Variants in MORN1 observed in about 807,000 individuals in gnomAD.
MORN1 encodes MORN repeat-containing protein 1.
In MORN1, 67 loss-of-function variants were observed where a neutral mutation model predicts 61.9. The observed-to-expected ratio is 1.08, with a 90% CI of 0.89 to 1.33. The LOEUF is 1.33. Among genes scored for constraint, MORN1 ranks in the 40% most tolerant of loss-of-function variants. The pLI, the probability that MORN1 is intolerant of heterozygous loss-of-function variation, is 0.00. For synonymous variants in MORN1, 301 were observed against 292.0 expected, an observed-to-expected ratio of 1.03 and a Z score of -0.31; for missense variants, 752 against 691.2, an observed-to-expected ratio of 1.09 and a Z score of -0.99.
chr1:2,347,828 T>C (rs1000453424), intron 10 of MORN1, among the ~76,000 whole-genome samples: 1 of 152,176 alleles, frequency 6.6e-6, no homozygotes, highest in African/African-American at 2.4e-5. Context: ...CATTTTGGGG[T>C]AAATGTTTAA....
intron 12 of MORN1, among the ~76,000 whole-genome samples, chr1:2,324,537 G>A (rs1215727360): frequency 2.0e-5 from 3 of 152,218 alleles, no homozygotes; most frequent in Non-Finnish European, 2.9e-5. Flanking sequence ...GCTGGAGCCT[G>A]CAGGGAGCGA....
At chr1:2,385,585 T>G (rs1642477783) in intron 5 of MORN1, 3 of 406,210 alleles carry the variant, frequency 7.4e-6, no homozygotes, top group South Asian at 3.5e-5. Context: ...AACACACAAT[T>G]GGTCAATTTC....
Position 2,388,319 on chromosome 1 carries a change from A to C in MORN1, c.167T>G (p.Phe56Cys). The change falls in exon 3 of 14, where the codon TTT becomes TGT. Residue 56 changes from phenylalanine to cysteine, a missense_variant. By Grantham distance (205) the Phe-to-Cys change is radical (BLOSUM62 -2). Transcript: ENST00000378531. ...GRKHGHGKLL[F>C]KDGSYYEGAF... ...CCCTTCGTAATAACTGCCATCTTTAAATAACAACTTCCCGTGACCTGGCAG... is the reference window on the plus strand; with the variant it reads ...CCCTTCGTAATAACTGCCATCTTTACATAACAACTTCCCGTGACCTGGCAG... 1 of 1,613,980 alleles carries C rather than the reference A, an allele frequency of 6.2e-7. No homozygotes were observed. The highest frequency in any genetic ancestry group is 2.2e-5 in the East Asian group (1 of 44,884).
chr1:2,322,108 G>A (rs1640894658), intron 13 of MORN1: 1 of 985,326 alleles, frequency 1.0e-6, no homozygotes, highest in Non-Finnish European at 1.2e-6. Flanking sequence ...TCTCCGGGTG[G>A]GGCTGGAGGG....
intron 12 of MORN1, among the ~76,000 whole-genome samples, chr1:2,329,103 G>A (rs1040947836): frequency 6.6e-6 from 1 of 152,150 alleles, no homozygotes; most frequent in East Asian, 1.9e-4. Flanking sequence ...AAGCCTGAGG[G>A]GTGTTCCCTG....
At chr1:2,360,238 C>T (rs1008306828) in intron 8 of MORN1, among the ~76,000 whole-genome samples, 2 of 152,154 alleles carry the variant, frequency 1.3e-5, no homozygotes, top group Non-Finnish European at 1.5e-5. Flanking sequence ...AAAGGAGACA[C>T]GATTGGGAAA....
intron 6 of MORN1, among the ~76,000 whole-genome samples, chr1:2,380,793 C>T (rs994240389): frequency 3.9e-5 from 6 of 152,174 alleles, no homozygotes; most frequent in Non-Finnish European, 7.4e-5. Context: ...TGGGCTCAAG[C>T]AGTCCTCCCA....
intron 6 of MORN1, among the ~76,000 whole-genome samples, chr1:2,382,334 C>G (rs1642391091): frequency 6.6e-6 from 1 of 152,160 alleles, no homozygotes; most frequent in Non-Finnish European, 1.5e-5. Flanking sequence ...GTGAGGGAGC[C>G]TGCCATCCTA....
chr1:2,374,849 C>T, intron 6 of MORN1: 3 of 324,288 alleles, frequency 9.3e-6, no homozygotes, highest in Non-Finnish European at 1.7e-5. Context: ...CTCGAAGGGG[C>T]ACATTTCAGC....
intron 10 of MORN1, chr1:2,355,092 C>CG: frequency 1.0e-6 from 1 of 962,036 alleles, no homozygotes; most frequent in South Asian, 4.3e-5. Flanking sequence ...GGGGCCCGCG[C>CG]GGGGTAGGGT....
rs184997515 is a variant in MORN1, at chr1:2,338,059, G to A, written c.1037-1209C>T. Among the ~76,000 whole-genome samples, 16 of 152,222 alleles carry A rather than the reference G, an allele frequency of 1.1e-4. 2 individuals carry two copies. The highest frequency in any genetic ancestry group is 3.9e-4 in the African/African-American group (16 of 41,534). The stretch of plus-strand genomic sequence containing the variant: ...CCAGGAGGCGGGACCCTCACATGGG[G>A]CCCCGGGGCAGCCCCCTCTGTGGGG... On this transcript the variant is annotated intron_variant, in intron 10 of 13. Coordinates refer to ENST00000378531, the MANE Select transcript of MORN1 (RefSeq NM_024848.3).
chr1:2,341,805 C>T (rs535758722), intron 10 of MORN1, among the ~76,000 whole-genome samples: 21 of 152,392 alleles, frequency 1.4e-4, no homozygotes, highest in South Asian at 4.1e-4. Context: ...GACAGCGCAG[C>T]GCCCACCGTC....
At chr1:2,361,972 G>A (rs936710163) in intron 8 of MORN1, among the ~76,000 whole-genome samples, 2 of 152,208 alleles carry the variant, frequency 1.3e-5, no homozygotes, top group South Asian at 2.1e-4. Flanking sequence ...AGTGGCTCAC[G>A]CCTGTAATCC....
chr1:2,336,335 G>A, intron 12 of MORN1, 134 bp downstream of exon 12: 1 of 824,064 alleles, frequency 1.2e-6, no homozygotes, highest in East Asian at 2.9e-5. Context: ...TCTGGAGCGA[G>A]GCCCGTGTAG....
In MORN1 at chr1:2,389,993, T is replaced by A. The variant is rs761303595; in HGVS notation, c.80A>T (p.Tyr27Phe). The change falls in exon 2 of 14, where the codon TAT becomes TTT. Residue 27 changes from tyrosine (Y) to phenylalanine (F), a missense_variant. By Grantham distance (22) the Tyr-to-Phe change is conservative. Coordinates refer to ENST00000378531, the MANE Select transcript of MORN1 (RefSeq NM_024848.3). Reference sequence around the variant, plus strand: ...GGAATTTGGGTATACGTAGACACCATAACCTGAGTATTGAGAAGACACACA... The same window carrying A: ...GGAATTTGGGTATACGTAGACACCAAAACCTGAGTATTGAGAAGACACACA... ...DPPRRPPRNG[Y>F]GVYVYPNSFF... is the part of the protein sequence containing the mutation. The A allele has an allele frequency of 5.0e-6, 8 of 1,613,368 alleles. No individual in the cohort carries two copies. The highest frequency in any genetic ancestry group is 6.8e-6 in the Non-Finnish European group (8 of 1,179,358).
At position 2,321,469 on chromosome 1, in the gene MORN1, G is replaced by T; in HGVS notation, c.1408C>A (p.Pro470Thr). The T allele has an allele frequency of 6.5e-7, 1 of 1,537,010 alleles. No homozygotes were observed. The highest frequency in any genetic ancestry group is 8.8e-7 in the Non-Finnish European group (1 of 1,140,680). ...RVVAKRAGQP[P>T]HVLEEGPEAS... is the part of the protein sequence containing the mutation. ...TCAGGGCCTTCTTCCAGGACATGGG[G>T]TGGCTGGCCAGCCCTCTTCGCTACG... Residue 470 changes from proline to threonine, a missense_variant, in exon 14 of 14, where the codon CCC becomes ACC. By Grantham distance (38) the Pro-to-Thr change is conservative (BLOSUM62 -1). Coordinates refer to ENST00000378531, the MANE Select transcript of MORN1 (RefSeq NM_024848.3).
chr1:2,342,029 C>A (rs1641405875), intron 10 of MORN1, among the ~76,000 whole-genome samples: 1 of 152,268 alleles, frequency 6.6e-6, no homozygotes, highest in African/African-American at 2.4e-5. Context: ...CACCTCCTGG[C>A]AGGCATGCCC....
chr1:2,324,258 G>C (rs1216135913), intron 12 of MORN1, 115 bp from the exon 13 acceptor site: 2 of 1,094,294 alleles, frequency 1.8e-6, no homozygotes, highest in Non-Finnish European at 1.3e-6. Context: ...CCCCAGCACA[G>C]CAGAGGCCTG....
intron 10 of MORN1, among the ~76,000 whole-genome samples, chr1:2,347,624 G>A (rs1040438009): frequency 6.6e-6 from 1 of 152,180 alleles, no homozygotes; most frequent in African/African-American, 2.4e-5. Flanking sequence ...CTCGGTGCAG[G>A]GGGGACGGGG....
Sources: allele counts gnomAD v4.1 joint callset (sites outside exome capture counted in the v4.1 genomes callset), GRCh38; gene constraint gnomAD v4.1.1; transcripts MANE v1.5; gene names NCBI Gene and HGNC (gene_info 2026-07-23, HGNC 2026-07-21).